Variants in TANGO6 observed in about 807,000 individuals in gnomAD.
TANGO6 encodes the protein transport and golgi organization 6 homolog, also known as transport and Golgi organization protein 6 homolog.
TANGO6 carries 90 observed loss-of-function variants against 114.2 expected under a neutral mutation model. That is an observed-to-expected ratio of 0.79 (90% CI 0.66 to 0.94). TANGO6 has a LOEUF of 0.94. Among genes scored for constraint, TANGO6 ranks in the 40% least tolerant of loss-of-function variants. The pLI, the probability that TANGO6 is intolerant of heterozygous loss-of-function variation, is 0.00. For synonymous variants in TANGO6, 477 were observed against 509.8 expected, an observed-to-expected ratio of 0.94 and a Z score of 0.87; for missense variants, 1,274 against 1,315.3, an observed-to-expected ratio of 0.97 and a Z score of 0.49.
chr16:69,043,650 G>A (rs1959808266), intron 17 of TANGO6, among the ~76,000 whole-genome samples: 1 of 152,108 alleles, frequency 6.6e-6, no homozygotes, highest in Non-Finnish European at 1.5e-5. Flanking sequence ...TGTAATCGTA[G>A]GTGTGATTAT....
intron 12 of TANGO6, among the ~76,000 whole-genome samples, chr16:68,921,752 G>A (rs1963097765): frequency 1.3e-5 from 2 of 151,366 alleles, no homozygotes; most frequent in Admixed American, 6.6e-5. Context: ...CATTAGTTGT[G>A]TTCTAAGACA....
chr16:68,973,490 G>A (rs1017265081), intron 14 of TANGO6, among the ~76,000 whole-genome samples: 8 of 152,120 alleles, frequency 5.3e-5, no homozygotes, highest in Non-Finnish European at 1.0e-4. Context: ...ATGGGGCTGG[G>A]CTCAGATTAT....
intron 1 of TANGO6, among the ~76,000 whole-genome samples, chr16:68,854,966 G>A (rs188640968): frequency 2.0e-4 from 30 of 150,848 alleles, no homozygotes; most frequent in Admixed American, 5.9e-4. Context: ...TTGTAATTGC[G>A]TTGACTTTAT....
At chr16:69,040,093 C>T (rs552283944) in intron 16 of TANGO6, among the ~76,000 whole-genome samples, 31 of 152,262 alleles carry the variant, frequency 2.0e-4, no homozygotes, top group African/African-American at 7.2e-4. Context: ...TTCTTGAATT[C>T]CAAACTGGAT....
At chr16:69,045,904 A>T (rs1959849401) in intron 17 of TANGO6, among the ~76,000 whole-genome samples, 1 of 151,214 alleles carries the variant, frequency 6.6e-6, no homozygotes, top group Non-Finnish European at 1.5e-5. Flanking sequence ...TCTCTACTAA[A>T]AATACAAAAA....
At chr16:68,863,947 G>T (rs571789526) in intron 3 of TANGO6, among the ~76,000 whole-genome samples, 1 of 152,222 alleles carries the variant, frequency 6.6e-6, no homozygotes, top group Non-Finnish European at 1.5e-5. Flanking sequence ...GGCCAAGGTG[G>T]GTGGATCACC....
At chr16:68,974,733 G>A (rs1963745426) in intron 15 of TANGO6, among the ~76,000 whole-genome samples, 1 of 151,988 alleles carries the variant, frequency 6.6e-6, no homozygotes, top group Admixed American at 6.6e-5. Context: ...ATTTTCAATG[G>A]AGCTGGAATT....
At chr16:68,919,028 G>A in intron 11 of TANGO6, 57 bp from the exon 12 acceptor site, 1 of 1,555,600 alleles carries the variant, frequency 6.4e-7, no homozygotes, top group Admixed American at 1.9e-5. Flanking sequence ...GATGTAAGGA[G>A]AATTATGATT....
rs547408265 is a variant in TANGO6 at position 68,884,656 on chromosome 16, T to G, written c.1377+4026T>G. The stretch of plus-strand genomic sequence containing the variant: ...AGGGGTAAGACTAATTGTGACTAAA[T>G]TTTGGTGCAAACCCTTTATGGTATG... On this transcript the variant is annotated intron_variant, in intron 7 of 17. Coordinates refer to ENST00000261778, the MANE Select transcript of TANGO6 (RefSeq NM_024562.2). Among the ~76,000 whole-genome samples, 91 of 152,174 alleles carry G rather than the reference T, an allele frequency of 6.0e-4. No homozygotes were observed. In the Middle Eastern group the frequency reaches 0.01, roughly 17 times the overall value.
intron 14 of TANGO6, among the ~76,000 whole-genome samples, chr16:68,947,420 C>G (rs1597032413): frequency 6.6e-6 from 1 of 151,562 alleles, no homozygotes; most frequent in Non-Finnish European, 1.5e-5. Flanking sequence ...TGCCACTGTA[C>G]TCCAGCCTGG....
At chr16:68,928,120 G>C (rs367927818) in intron 13 of TANGO6, 37 bp downstream of exon 13, 30 of 1,509,700 alleles carry the variant, frequency 2.0e-5, no homozygotes, top group Non-Finnish European at 2.7e-5. Flanking sequence ...ATGGGCACAG[G>C]GTGGGGCATT....
intron 15 of TANGO6, among the ~76,000 whole-genome samples, chr16:69,017,929 GT>G (rs1959330085): frequency 6.8e-6 from 1 of 147,156 alleles, no homozygotes; most frequent in African/African-American, 2.5e-5. Flanking sequence ...GAGAGACAGA[GT>G]CTCACCCTTG....
chr16:68,948,024 G>GATATATATATATATAT (rs112762612), intron 14 of TANGO6, among the ~76,000 whole-genome samples: 2 of 147,594 alleles, frequency 1.4e-5, no homozygotes, highest in East Asian at 2.0e-4. Context: ...CAGTGCAGCT[G>GATATATATATATATAT]ATATATATAT....
chr16:68,913,875 G>A (rs1008237741), intron 11 of TANGO6, among the ~76,000 whole-genome samples: 5 of 152,038 alleles, frequency 3.3e-5, no homozygotes, highest in East Asian at 1.9e-4. Flanking sequence ...CCCTTCATTC[G>A]TTTCTTCCCT....
intron 14 of TANGO6, among the ~76,000 whole-genome samples, chr16:68,972,182 G>A (rs1006326543): frequency 6.6e-5 from 10 of 151,914 alleles, no homozygotes; most frequent in Non-Finnish European, 1.0e-4. Context: ...ACATGCAGAG[G>A]TGCAGGCTTA....
intron 17 of TANGO6, among the ~76,000 whole-genome samples, chr16:69,060,439 A>T (rs1201611776): frequency 1.3e-5 from 2 of 152,100 alleles, no homozygotes; most frequent in Non-Finnish European, 2.9e-5. Context: ...CTACTAAAAT[A>T]AAAAATGTAG....
intron 7 of TANGO6, among the ~76,000 whole-genome samples, chr16:68,898,043 T>C (rs1962730690): frequency 6.6e-6 from 1 of 152,172 alleles, no homozygotes; most frequent in Non-Finnish European, 1.5e-5. Context: ...GGGCTTATTA[T>C]TTTTTGTACA....
At position 68,859,956 on chromosome 16, in the gene TANGO6, C is replaced by T; in HGVS notation, c.167C>T (p.Ala56Val). ...GCTACTTTAAAATCTAACCTGTCTG[C>T]TTTGGAGGACAAGTTTCTGAAGGAT... ...LLATLKSNLS[A>V]LEDKFLKDPQ... The change falls in exon 2 of 18, where the codon GCT becomes GTT. Residue 56 changes from alanine to valine, a missense_variant. Ala to Val is a moderately conservative substitution (Grantham distance 64). This residue lies in a region of TANGO6 where 114 missense variants were observed against 104.6 expected (regional missense o/e 1.09). Coordinates refer to ENST00000261778, the MANE Select transcript of TANGO6 (RefSeq NM_024562.2). 3 of 1,612,470 alleles carry T rather than the reference C, an allele frequency of 1.9e-6. No homozygotes were observed. The highest frequency in any genetic ancestry group is 2.5e-6 in the Non-Finnish European group (3 of 1,178,758).
chr16:68,859,890 G>T lies in TANGO6; in HGVS notation c.101G>T (p.Gly34Val). 1 of 1,560,674 alleles carries T rather than the reference G, an allele frequency of 6.4e-7. No individual in the cohort carries two copies. Among genetic ancestry groups the T allele is most frequent in the Non-Finnish European group, 8.6e-7 (1 of 1,157,296 alleles). Residue 34 changes from glycine to valine, a missense_variant, in exon 2 of 18, where the codon GGC (glycine) becomes GTC (valine). Physicochemically the swap from Gly to Val is moderately radical, Grantham distance 109. Coordinates refer to ENST00000261778, the MANE Select transcript of TANGO6 (RefSeq NM_024562.2). ...LKLLLSPGGS[G>V]SSSLQVTKHD... ...TTTTTTTCTTCTTCAAAAGGCTCGG[G>T]CTCAAGTTCACTACAGGTCACAAAA...
Sources: gnomAD v4.1 joint callset for allele counts (sites outside exome capture counted in the v4.1 genomes callset) on GRCh38, gnomAD v4.1.1 for gene constraint, gnomAD v4.1.1 regional missense constraint, MANE v1.5 for transcripts, NCBI Gene and HGNC (gene_info 2026-07-23, HGNC 2026-07-21) for gene names.